The following AGBL1 variants were observed in gnomAD, a reference collection of about 807,000 sequenced individuals.
AGBL1 encodes the protein cytosolic carboxypeptidase 4.
Under a neutral mutation model 118.9 loss-of-function variants are expected in AGBL1, and 130 were observed. The observed-to-expected ratio is 1.09, with a 90% CI of 0.95 to 1.26. The LOEUF is 1.26. AGBL1 is among the 50% of genes most tolerant of loss of function. AGBL1 has a pLI of 0.00. For synonymous variants in AGBL1, 555 were observed against 478.9 expected (o/e 1.16, Z -2.08); for missense variants, 1,584 against 1,298.1 (o/e 1.22, Z -3.38).
At chr15:86,277,185 C>A (rs2079267610) in intron 15 of AGBL1, among the ~76,000 whole-genome samples, 1 of 149,224 alleles carries the variant, frequency 6.7e-6, no homozygotes, top group African/African-American at 2.5e-5. Context: ...AGTGTGCAAC[C>A]ATCCTGGAGA....
intron 22 of AGBL1, among the ~76,000 whole-genome samples, chr15:86,888,884 C>T (rs1359641173): frequency 6.6e-6 from 1 of 152,108 alleles, no homozygotes; most frequent in Non-Finnish European, 1.5e-5. Context: ...GAGCAAAGCG[C>T]TGAATGGCAT....
At chr15:86,849,667 G>A (rs551146023) in intron 22 of AGBL1, among the ~76,000 whole-genome samples, 9 of 152,160 alleles carry the variant, frequency 5.9e-5, no homozygotes, top group African/African-American at 1.7e-4. Flanking sequence ...AGCAGCTCTG[G>A]CCAGTTTCTT....
intron 18 of AGBL1, among the ~76,000 whole-genome samples, chr15:86,479,874 G>A (rs941751602): frequency 2.0e-5 from 3 of 151,926 alleles, no homozygotes; most frequent in Non-Finnish European, 4.4e-5. Flanking sequence ...AGAAAATGTG[G>A]CACATATACA....
intron 6 of AGBL1, among the ~76,000 whole-genome samples, chr15:86,236,456 T>C (rs1315121143): frequency 5.3e-5 from 8 of 152,018 alleles, no homozygotes; most frequent in African/African-American, 1.9e-4. Flanking sequence ...TATGAGGCTA[T>C]TGATTGCTGG....
intron 18 of AGBL1, among the ~76,000 whole-genome samples, chr15:86,464,690 G>C (rs1484062707): frequency 2.6e-5 from 4 of 152,118 alleles, no homozygotes. Flanking sequence ...TGCATCTATT[G>C]AGATAATCAT....
At chr15:86,140,168 C>CCCTCAAAACCCTTCTCAAAA (rs1555434493) in intron 1 of AGBL1, 1 of 154,530 alleles carries the variant, frequency 6.5e-6, no homozygotes, top group Non-Finnish European at 1.4e-5. Context: ...CTCAAACACC[C>CCCTCAAAACCCTTCTCAAAA]GCCCACAGGT....
intron 1 of AGBL1, among the ~76,000 whole-genome samples, chr15:86,102,505 T>C (rs986507025): frequency 6.6e-6 from 1 of 152,192 alleles, no homozygotes. Context: ...CTTTTGCTTG[T>C]CTTGGAAAGA....
chr15:86,857,120 C>G (rs927202738), intron 22 of AGBL1, among the ~76,000 whole-genome samples: 5 of 152,178 alleles, frequency 3.3e-5, no homozygotes, highest in Non-Finnish European at 5.9e-5. Flanking sequence ...GTTTTATGTG[C>G]TTAATCCTTC....
chr15:86,656,459 A>C (rs1036453544), intron 21 of AGBL1, among the ~76,000 whole-genome samples: 3 of 152,158 alleles, frequency 2.0e-5, no homozygotes, highest in African/African-American at 7.2e-5. Flanking sequence ...TTCTAAAGGA[A>C]GTAACTTGCT....
chr15:86,988,052 A>C (rs114992033), exon 24 of AGBL1: 1 of 1,613,596 alleles, frequency 6.2e-7, no homozygotes, highest in East Asian at 2.2e-5. Context: ...GCCATTACAA[A>C]CTTTTTCAAG....
intron 15 of AGBL1, among the ~76,000 whole-genome samples, chr15:86,274,192 GC>G (rs1400084696): frequency 2.6e-5 from 4 of 152,022 alleles, no homozygotes; most frequent in Admixed American, 6.6e-5. Flanking sequence ...ACATCTTTAT[GC>G]TATTTATAGC....
chr15:86,923,449 G>T (rs751646247), intron 23 of AGBL1, among the ~76,000 whole-genome samples: 17 of 152,094 alleles, frequency 1.1e-4, no homozygotes, highest in Non-Finnish European at 1.6e-4. Context: ...TTTTCCTGCT[G>T]TTCCTCCCTC....
intron 3 of AGBL1, among the ~76,000 whole-genome samples, chr15:86,152,844 G>T (rs2077132382): frequency 6.6e-6 from 1 of 152,200 alleles, no homozygotes; most frequent in South Asian, 2.1e-4. Flanking sequence ...CAAAAAGTGG[G>T]CAAAGGATAT....
At chr15:86,796,579 G>C (rs1465921417) in intron 22 of AGBL1, among the ~76,000 whole-genome samples, 2 of 152,154 alleles carry the variant, frequency 1.3e-5, no homozygotes, top group Non-Finnish European at 2.9e-5. Context: ...AGTCATTCTT[G>C]CTCATACCAG....
At chr15:86,090,091 A>G (rs753841206) in intron 1 of AGBL1, among the ~76,000 whole-genome samples, 25 of 152,282 alleles carry the variant, frequency 1.6e-4, no homozygotes, top group South Asian at 2.1e-4. Flanking sequence ...CAACAATCCT[A>G]TGAGGAATAT....
chr15:86,618,039 T>G (rs1299526542), intron 21 of AGBL1, among the ~76,000 whole-genome samples: 1 of 152,182 alleles, frequency 6.6e-6, no homozygotes, highest in African/African-American at 2.4e-5. Flanking sequence ...TACTTCTGCC[T>G]GAGATTTAAC....
chr15:86,842,246 T>G (rs1382323727), intron 22 of AGBL1, among the ~76,000 whole-genome samples: 1 of 151,416 alleles, frequency 6.6e-6, no homozygotes, highest in Non-Finnish European at 1.5e-5. Context: ...CAACTTCACC[T>G]GCCTTGAGTG....
At chr15:86,765,804 T>C (rs1307223008) in intron 22 of AGBL1, among the ~76,000 whole-genome samples, 2 of 151,900 alleles carry the variant, frequency 1.3e-5, no homozygotes, top group African/African-American at 2.4e-5. Flanking sequence ...AAATAATTTA[T>C]AACCAAAGGA....
intron 22 of AGBL1, among the ~76,000 whole-genome samples, chr15:86,818,913 A>T (rs1294069204): frequency 6.6e-6 from 1 of 152,146 alleles, no homozygotes; most frequent in African/African-American, 2.4e-5. Flanking sequence ...TGGTATTATG[A>T]TGAGGATTAA....
Sources: allele counts gnomAD v4.1 joint callset (sites outside exome capture counted in the v4.1 genomes callset), GRCh38; gene constraint gnomAD v4.1.1; transcripts MANE v1.5; gene names NCBI Gene and HGNC (gene_info 2026-07-23, HGNC 2026-07-21).